Variants in DCBLD1 observed in about 807,000 individuals in gnomAD.
DCBLD1 encodes the protein discoidin, CUB and LCCL domain containing 1.
DCBLD1 carries 57 observed loss-of-function variants against 71.5 expected under a neutral mutation model. That is an observed-to-expected ratio of 0.80 (90% CI 0.64 to 0.99). The LOEUF (loss-of-function observed/expected upper bound fraction) is 0.99. Ranked by LOEUF, DCBLD1 falls within the 50% of genes least tolerant of loss-of-function variation. The pLI is 0.00. For synonymous variants in DCBLD1, 380 were observed against 363.8 expected (o/e 1.04, Z -0.51); for missense variants, 891 against 923.5 (o/e 0.96, Z 0.46).
intron 2 of DCBLD1, among the ~76,000 whole-genome samples, chr6:117,511,868 G>C (rs1778034451): frequency 6.6e-6 from 1 of 152,068 alleles, no homozygotes; most frequent in African/African-American, 2.4e-5. Context: ...GAGCTGTTTT[G>C]GGCTGCAGAC....
Position 117,547,948 on chromosome 6 carries a change from A to T in DCBLD1, c.1657A>T (p.Arg553Trp). The T allele has an allele frequency of 6.4e-7, 1 of 1,550,562 alleles. No homozygotes were observed. The highest frequency in any genetic ancestry group is 8.7e-7 in the Non-Finnish European group (1 of 1,146,958). Reference sequence around the variant, plus strand: ...CATGATTGGCACCGGGACAGTCACGAGGAAGGGCTCCACCTTCCGGCCCAT... The same window carrying T: ...CATGATTGGCACCGGGACAGTCACGTGGAAGGGCTCCACCTTCCGGCCCAT... ...PLMIGTGTVT[R>W]KGSTFRPMDT... Residue 553 changes from arginine (R) to tryptophan (W), a missense_variant, in exon 15 of 15, where the codon AGG becomes TGG. Physicochemically the swap from Arg to Trp is moderately radical, Grantham distance 101. Transcript: ENST00000338728.
downstream of DCBLD1, among the ~76,000 whole-genome samples, chr6:117,553,048 C>CT (rs1190588792): frequency 2.0e-5 from 3 of 152,216 alleles, no homozygotes; most frequent in African/African-American, 7.2e-5. Context: ...AATACCATCT[C>CT]TCCATCTTCA....
intron 14 of DCBLD1, chr6:117,547,682 C>CTACG (rs1162276376): frequency 1.1e-6 from 1 of 908,314 alleles, no homozygotes; most frequent in Non-Finnish European, 1.8e-6. Flanking sequence ...GCCCCCATCT[C>CTACG]TGAGAAGACC....
intron 2 of DCBLD1, among the ~76,000 whole-genome samples, chr6:117,516,996 G>A (rs1188767292): frequency 6.6e-6 from 1 of 152,116 alleles, no homozygotes; most frequent in Non-Finnish European, 1.5e-5. Context: ...CAAGTCTCAT[G>A]TCCTCATATT....
chr6:117,516,657 T>C (rs1411344075), intron 2 of DCBLD1, among the ~76,000 whole-genome samples: 1 of 152,164 alleles, frequency 6.6e-6, no homozygotes, highest in Non-Finnish European at 1.5e-5. Flanking sequence ...ATGCTGCTGA[T>C]AAGGACATAC....
intron 4 of DCBLD1, among the ~76,000 whole-genome samples, chr6:117,524,488 G>A (rs899968532): frequency 6.6e-6 from 1 of 152,166 alleles, no homozygotes; most frequent in African/African-American, 2.4e-5. Flanking sequence ...ACAGGCGTGA[G>A]CCACTGTGTC....
At chr6:117,544,225 A>G (rs1779190786) in intron 12 of DCBLD1, 1 of 257,472 alleles carries the variant, frequency 3.9e-6, no homozygotes, top group Non-Finnish European at 7.2e-6. Context: ...GTCATGAGGA[A>G]TTGCTTCAGG....
downstream of DCBLD1, among the ~76,000 whole-genome samples, chr6:117,554,097 G>T (rs1021018820): frequency 6.6e-6 from 1 of 152,154 alleles, no homozygotes; most frequent in Non-Finnish European, 1.5e-5. Context: ...TTCGATTTCT[G>T]TGACTAATTT....
chr6:117,545,672 T>C, intron 14 of DCBLD1, 75 bp downstream of exon 14: 2 of 1,540,392 alleles, frequency 1.3e-6, no homozygotes, highest in Admixed American at 3.9e-5. Context: ...AGGAGAGAAA[T>C]AAGGCAAAAT....
intron 11 of DCBLD1, 78 bp downstream of exon 11, chr6:117,541,103 T>C: frequency 7.2e-7 from 1 of 1,390,386 alleles, no homozygotes; most frequent in Non-Finnish European, 1.0e-6. Context: ...CAACAAAATT[T>C]CTTTTTCTCT....
chr6:117,504,371 T>C (rs979983405), intron 2 of DCBLD1, among the ~76,000 whole-genome samples: 2 of 152,238 alleles, frequency 1.3e-5, no homozygotes, highest in Non-Finnish European at 2.9e-5. Context: ...AAAGTTCCTC[T>C]ATGAAACTTG....
Position 117,532,383 on chromosome 6 carries a change from C to T in DCBLD1, c.709C>T (p.Leu237Phe). 1.2e-6 allele frequency: 2 copies of T among 1,606,082 alleles called. No homozygotes were observed. The change falls in exon 6 of 15, where the codon CTT (leucine) becomes TTT (phenylalanine). Residue 237 changes from leucine to phenylalanine, a missense_variant. By Grantham distance (22) the Leu-to-Phe change is conservative. Transcript: ENST00000338728. ...RYEGILANGVLSRDGSLSDKR... is the reference protein window; with the variant it reads ...RYEGILANGVFSRDGSLSDKR... ...TGAAGGGATTCTGGCCAATGGTGTT[C>T]TTTCGAGGGAGTAAGTATTTTTTTT...
intron 14 of DCBLD1, among the ~76,000 whole-genome samples, chr6:117,555,803 A>C (rs1779488479): frequency 1.3e-5 from 2 of 152,214 alleles, no homozygotes; most frequent in Non-Finnish European, 2.9e-5. Flanking sequence ...CTTTAGAAAA[A>C]TTCTACTGCA....
At chr6:117,487,064 C>T (rs547533383) in intron 1 of DCBLD1, among the ~76,000 whole-genome samples, 12 of 152,238 alleles carry the variant, frequency 7.9e-5, no homozygotes, top group East Asian at 1.9e-4. Context: ...GCCCCATACA[C>T]GGAAAAATTG....
chr6:117,557,368 G>C (rs983860306), intron 14 of DCBLD1, among the ~76,000 whole-genome samples: 5 of 151,446 alleles, frequency 3.3e-5, no homozygotes, highest in African/African-American at 1.2e-4. Flanking sequence ...TATGTTTTAG[G>C]TATGTTCCTT....
chr6:117,556,189 A>C (rs1779493236), intron 14 of DCBLD1, among the ~76,000 whole-genome samples: 2 of 152,214 alleles, frequency 1.3e-5, no homozygotes, highest in Admixed American at 1.3e-4. Flanking sequence ...TCCTTGTTAT[A>C]GTCCATTACC....
At chr6:117,488,044 T>C (rs1171452759) in intron 1 of DCBLD1, among the ~76,000 whole-genome samples, 1 of 152,132 alleles carries the variant, frequency 6.6e-6, no homozygotes, top group Non-Finnish European at 1.5e-5. Flanking sequence ...TAGAACCAAC[T>C]GTCAAACTTG....
chr6:117,482,877 G>C lies in DCBLD1; in HGVS notation c.96G>C (p.Leu32=). Residue 32 remains leucine, a synonymous_variant, in exon 1 of 15, where the codon CTG becomes CTC. Coordinates refer to ENST00000338728, the MANE Select transcript of DCBLD1 (RefSeq NM_001366458.2). ...LLLAVSAPLR[L]QAEELGDGCG... ...TCGCGGTCTCCGCCCCGCTCCGGCT[G>C]CAGGCGGAGGAGCTGGGTGAGTGGA... is the stretch of plus-strand genomic sequence containing the variant. 8.4e-7 allele frequency: 1 copy of C among 1,193,700 alleles called. No homozygotes were observed. Among genetic ancestry groups the C allele is most frequent in the East Asian group, 4.0e-5 (1 of 25,000 alleles). 73.9% of individuals were successfully genotyped at this position (1,193,700 alleles called of 1,614,324 possible). A position where few individuals can be genotyped will look rare whatever the true frequency, so the allele number is the denominator to read the frequency against.
At chr6:117,551,143 T>C (rs1168897387), downstream of DCBLD1, among the ~76,000 whole-genome samples, 1 of 152,194 alleles carries the variant, frequency 6.6e-6, no homozygotes, top group Non-Finnish European at 1.5e-5. Flanking sequence ...AGGTTTTTAT[T>C]TTGTCTTTGG....
Sources: gnomAD v4.1 joint callset for allele counts (sites outside exome capture counted in the v4.1 genomes callset) on GRCh38, gnomAD v4.1.1 for gene constraint, MANE v1.5 for transcripts, NCBI Gene and HGNC (gene_info 2026-07-23, HGNC 2026-07-21) for gene names.